DLC1: variants seen among roughly 807,000 people sequenced by gnomAD.
DLC1 encodes DLC1 Rho GTPase activating protein.
In DLC1, 54 loss-of-function variants were observed where a neutral mutation model predicts 140.3. The observed-to-expected ratio is 0.38, with a 90% confidence interval of 0.31 to 0.48. DLC1 has a LOEUF of 0.48. DLC1 is among the 20% of genes least tolerant of loss of function. DLC1 has a pLI of 0.96. For synonymous variants in DLC1, 986 were observed against 728.1 expected (o/e 1.35, Z -5.70); for missense variants, 2,536 against 1,907.0 (o/e 1.33, Z -6.14).
chr8:13,562,101 T>C (rs1220754444), intron 1 of DLC1, among the ~76,000 whole-genome samples: 1 of 152,116 alleles, frequency 6.6e-6, no homozygotes, highest in Non-Finnish European at 1.5e-5. Context: ...AACCCATATA[T>C]GTGTTAAAAT....
chr8:13,093,469 T>C (rs1818255640), intron 12 of DLC1, among the ~76,000 whole-genome samples: 1 of 152,192 alleles, frequency 6.6e-6, no homozygotes, highest in South Asian at 2.1e-4. Flanking sequence ...CGAGAGGCTA[T>C]AAAAATGCAT....
At chr8:13,326,619 G>C (rs1043262596) in intron 4 of DLC1, among the ~76,000 whole-genome samples, 1 of 152,140 alleles carries the variant, frequency 6.6e-6, no homozygotes, top group Non-Finnish European at 1.5e-5. Flanking sequence ...TGTCTAAGTT[G>C]TAAAACGGTA....
At chr8:13,594,180 C>T (rs547434577) in intron 1 of DLC1, among the ~76,000 whole-genome samples, 1 of 151,920 alleles carries the variant, frequency 6.6e-6, no homozygotes, top group Non-Finnish European at 1.5e-5. Context: ...AAAAAAGATC[C>T]TCTTTTTATA....
rs77763913 is a variant in DLC1 at position 13,165,831 on chromosome 8, A to C, written c.1349-50174T>G. 5.3e-4 allele frequency among the ~76,000 whole-genome samples: 80 copies of C among 152,246 alleles called. 1 individual carries two copies. The East Asian group carries it at 0.014, about 26-fold the overall frequency. On this transcript the variant is annotated intron_variant, in intron 5 of 17. Transcript: ENST00000276297. ...GTAGGGTGAATGGCTTCCTTGGGTC[A>C]GTTTCCTCAAGCACAGACCCATATA...
chr8:13,118,911 C>G (rs893892178), intron 5 of DLC1, among the ~76,000 whole-genome samples: 1 of 152,130 alleles, frequency 6.6e-6, no homozygotes, highest in African/African-American at 2.4e-5. Context: ...CCTTCACAAA[C>G]TTCGCTGGAG....
chr8:13,467,605 C>T (rs558284382), intron 2 of DLC1, among the ~76,000 whole-genome samples: 1 of 152,094 alleles, frequency 6.6e-6, no homozygotes, highest in African/African-American at 2.4e-5. Flanking sequence ...ATGGTACGTG[C>T]CTATGGTCCC....
intron 5 of DLC1, among the ~76,000 whole-genome samples, chr8:13,281,976 C>T (rs1317779608): frequency 2.6e-5 from 4 of 152,146 alleles, no homozygotes; most frequent in Non-Finnish European, 5.9e-5. Flanking sequence ...TTTGTTTTCT[C>T]ATTTGCTAAT....
intron 5 of DLC1, among the ~76,000 whole-genome samples, chr8:13,250,431 C>A (rs1046466539): frequency 6.6e-6 from 1 of 152,124 alleles, no homozygotes; most frequent in Non-Finnish European, 1.5e-5. Context: ...ATGTCCTAGA[C>A]TGATAAAATT....
intron 2 of DLC1, among the ~76,000 whole-genome samples, chr8:13,465,831 C>T (rs895335092): frequency 6.6e-6 from 1 of 152,146 alleles, no homozygotes; most frequent in Non-Finnish European, 1.5e-5. Flanking sequence ...CAATGCCTCT[C>T]ATTGGTTCTG....
intron 2 of DLC1, among the ~76,000 whole-genome samples, chr8:13,414,205 C>T (rs145677238): frequency 6.6e-6 from 1 of 152,234 alleles, no homozygotes; most frequent in African/African-American, 2.4e-5. Context: ...TTGGTACATT[C>T]ATATATTGAC....
intron 5 of DLC1, among the ~76,000 whole-genome samples, chr8:13,169,870 G>A (rs537548210): frequency 6.8e-6 from 1 of 146,714 alleles, no homozygotes; most frequent in African/African-American, 2.5e-5. Flanking sequence ...AAAAAAAAAA[G>A]CCAGATGCGG....
intron 1 of DLC1, among the ~76,000 whole-genome samples, chr8:13,542,752 T>A (rs1323404705): frequency 6.6e-6 from 1 of 152,184 alleles, no homozygotes; most frequent in African/African-American, 2.4e-5. Flanking sequence ...TTGATGCTTT[T>A]TCTTGATTTC....
At chr8:13,293,792 A>G (rs546139078) in intron 5 of DLC1, among the ~76,000 whole-genome samples, 17 of 152,278 alleles carry the variant, frequency 1.1e-4, no homozygotes, top group African/African-American at 4.1e-4. Context: ...AGAACATATT[A>G]AAAGAGAAAT....
In DLC1 at chr8:13,099,523, G is replaced by A. The variant is rs1390577310; in HGVS notation, c.2814C>T (p.Asp938=). The change falls in exon 9 of 18, where the codon GAC becomes GAT. Residue 938 remains aspartate, a synonymous_variant. Transcript: ENST00000276297. ...SDEGDSDSAL[D]SVSPCPSSPK... The stretch of plus-strand genomic sequence containing the variant: ...GAGAGGACGGGCAGGGAGAGACCGA[G>A]TCCAGGGCTGAGTCCGAATCTCCCT... 6.2e-7 allele frequency: 1 copy of A among 1,614,158 alleles called. No homozygotes were observed. Among genetic ancestry groups the A allele is most frequent in the Non-Finnish European group, 8.5e-7 (1 of 1,180,032 alleles).
chr8:13,324,429 G>A lies in DLC1; in HGVS notation c.1315-19127C>T, dbSNP rs561485520. The stretch of plus-strand genomic sequence containing the variant: ...TAAAAATACAAAAACTTAGCTGGGC[G>A]TGGTGGCGGGCGCCTGTAGTCCCAG... On this transcript the variant is annotated intron_variant, in intron 4 of 17. Transcript: ENST00000276297. Among the ~76,000 whole-genome samples the A allele has an allele frequency of 6.6e-5, 10 of 152,062 alleles. No homozygotes were observed. In the South Asian group the frequency reaches 1.0e-3, roughly 16 times the overall value.
intron 2 of DLC1, among the ~76,000 whole-genome samples, chr8:13,407,321 C>A (rs375520906): frequency 4.6e-5 from 7 of 152,156 alleles, no homozygotes; most frequent in South Asian, 2.1e-4. Context: ...GCTTAAACAA[C>A]AGGAGTCTCC....
intron 2 of DLC1, among the ~76,000 whole-genome samples, chr8:13,476,460 A>G (rs1800438187): frequency 9.0e-6 from 1 of 111,670 alleles, no homozygotes; most frequent in Non-Finnish European, 1.7e-5. Flanking sequence ...ACATCCACAT[A>G]CAGTGCAGTG....
intron 5 of DLC1, among the ~76,000 whole-genome samples, chr8:13,296,686 G>A (rs1198081574): frequency 1.3e-5 from 2 of 151,802 alleles, no homozygotes; most frequent in African/African-American, 2.4e-5. Flanking sequence ...CATGGCATGC[G>A]GGGTGACAAA....
At chr8:13,464,360 C>T (rs1200862930) in intron 2 of DLC1, among the ~76,000 whole-genome samples, 1 of 152,094 alleles carries the variant, frequency 6.6e-6, no homozygotes, top group Admixed American at 6.5e-5. Context: ...TTATCCTTGC[C>T]TTTGAGCATT....
Sources: gnomAD v4.1 joint callset for allele counts (sites outside exome capture counted in the v4.1 genomes callset) on GRCh38, gnomAD v4.1.1 for gene constraint, MANE v1.5 for transcripts, NCBI Gene and HGNC (gene_info 2026-07-23, HGNC 2026-07-21) for gene names.